EYS: variants seen among roughly 807,000 people sequenced by gnomAD.
EYS encodes the protein protein eyes shut homolog.
In EYS, 250 loss-of-function variants were observed where a neutral mutation model predicts 282.1. That is an observed-to-expected ratio of 0.89 (90% CI 0.80 to 0.98). The LOEUF is 0.98. EYS is among the 50% of genes least tolerant of loss of function. The pLI, the probability that EYS is intolerant of heterozygous loss-of-function variation, is 0.00. For missense variants in EYS, 4,016 were observed against 3,709.0 expected (o/e 1.08, Z -2.15); for synonymous variants, 1,355 against 1,282.9 (o/e 1.06, Z -1.20).
intron 34 of EYS, among the ~76,000 whole-genome samples, chr6:63,990,376 T>C (rs1767551467): frequency 1.3e-5 from 2 of 151,664 alleles, no homozygotes; most frequent in Admixed American, 1.3e-4. Flanking sequence ...GGAAAATTTA[T>C]GGCATTCATT....
intron 12 of EYS, among the ~76,000 whole-genome samples, chr6:65,179,876 T>G (rs1414769903): frequency 6.6e-6 from 1 of 152,034 alleles, no homozygotes; most frequent in Non-Finnish European, 1.5e-5. Flanking sequence ...GTGGGCTTCA[T>G]CCCTGGGATG....
At chr6:65,136,892 G>C (rs1393634600) in intron 12 of EYS, among the ~76,000 whole-genome samples, 1 of 152,002 alleles carries the variant, frequency 6.6e-6, no homozygotes, top group Non-Finnish European at 1.5e-5. Context: ...ATGTTGGCCA[G>C]CCTGGTGTCA....
chr6:63,776,327 G>A (rs1487683217), intron 40 of EYS, among the ~76,000 whole-genome samples: 1 of 152,122 alleles, frequency 6.6e-6, no homozygotes, highest in Non-Finnish European at 1.5e-5. Context: ...ATTATTTGCT[G>A]TTTTTAAGTT....
intron 12 of EYS, among the ~76,000 whole-genome samples, chr6:65,119,311 T>C (rs904278959): frequency 5.3e-5 from 8 of 152,152 alleles, no homozygotes; most frequent in South Asian, 2.1e-4. Flanking sequence ...AAACTAAACA[T>C]GTGTAAGTTA....
At chr6:65,527,789 T>C (rs1767623871) in intron 2 of EYS, among the ~76,000 whole-genome samples, 1 of 152,200 alleles carries the variant, frequency 6.6e-6, no homozygotes, top group South Asian at 2.1e-4. Context: ...ATAAACTGTG[T>C]AGATATGGGT....
At chr6:65,090,838 A>G (rs1774537144) in intron 12 of EYS, among the ~76,000 whole-genome samples, 2 of 152,052 alleles carry the variant, frequency 1.3e-5, no homozygotes, top group Admixed American at 1.3e-4. Flanking sequence ...ACATCCCTAC[A>G]CTGTCATTTT....
rs371666153 is a variant in EYS at position 65,324,150 on chromosome 6, C to G, written c.1766+10830G>C. 1.5e-4 allele frequency among the ~76,000 whole-genome samples: 23 copies of G among 151,522 alleles called. No homozygotes were observed. In the East Asian group the frequency reaches 3.8e-3, roughly 25 times the overall value. ...CCTGGCTACGCTATATAAAATAGCCCCTTTCCCAGCTTTCTTTATCAATTA... is the reference window on the plus strand; with the variant it reads ...CCTGGCTACGCTATATAAAATAGCCGCTTTCCCAGCTTTCTTTATCAATTA... On this transcript the variant is annotated intron_variant, in intron 11 of 42. Coordinates refer to ENST00000503581, the MANE Select transcript of EYS (RefSeq NM_001142800.2).
intron 5 of EYS, among the ~76,000 whole-genome samples, chr6:65,475,509 TG>T (rs1382477433): frequency 6.6e-6 from 1 of 152,134 alleles, no homozygotes; most frequent in Non-Finnish European, 1.5e-5. Flanking sequence ...GATATTTATT[TG>T]AAAATAATTT....
At chr6:63,946,606 A>G (rs1314561144) in intron 35 of EYS, among the ~76,000 whole-genome samples, 1 of 152,178 alleles carries the variant, frequency 6.6e-6, no homozygotes, top group South Asian at 2.1e-4. Flanking sequence ...CTGGTTTACA[A>G]AATTGGTTTA....
intron 26 of EYS, among the ~76,000 whole-genome samples, chr6:64,458,856 A>G (rs551273932): frequency 3.3e-5 from 5 of 152,290 alleles, no homozygotes; most frequent in African/African-American, 1.2e-4. Flanking sequence ...TGGAACTTAG[A>G]AATGGGCTTC....
intron 37 of EYS, among the ~76,000 whole-genome samples, chr6:63,792,726 C>T (rs907119698): frequency 9.3e-5 from 14 of 151,280 alleles, no homozygotes; most frequent in African/African-American, 3.4e-4. Flanking sequence ...CGTAATAAGG[C>T]CTGATTGGTA....
In EYS at chr6:65,260,314, T is replaced by A. The variant is rs145175670; in HGVS notation, c.2023+35549A>T. On this transcript the variant is annotated intron_variant, in intron 12 of 42. Coordinates refer to ENST00000503581, the MANE Select transcript of EYS (RefSeq NM_001142800.2). ...GAATTATAATTCAAGATGAGATTTG[T>A]GTGGGGAGACAAAGCTTAACCATAT... Among the ~76,000 whole-genome samples, 46 of 152,270 alleles carry A rather than the reference T, an allele frequency of 3.0e-4. 1 individual carries two copies. Among genetic ancestry groups the A allele is most frequent in the African/African-American group, 1.1e-3 (46 of 41,586 alleles).
rs1013301306 is a variant in EYS at position 64,393,654 on chromosome 6, G to A, written c.5928-4814C>T. ...TTTCAAAATAATAAGAGCTATCTATGACAAACCCACAGCCAATATCATACT... is the reference window on the plus strand; with the variant it reads ...TTTCAAAATAATAAGAGCTATCTATAACAAACCCACAGCCAATATCATACT... On this transcript the variant is annotated intron_variant, in intron 28 of 42. Transcript: ENST00000503581. 2.0e-5 allele frequency among the ~76,000 whole-genome samples: 3 copies of A among 151,640 alleles called. 1 individual carries two copies. The highest frequency in any genetic ancestry group is 7.3e-5 in the African/African-American group (3 of 41,216).
At chr6:65,116,036 TA>T (rs201528508) in intron 12 of EYS, among the ~76,000 whole-genome samples, 1,898 of 152,108 alleles carry the variant, frequency 0.012, 19 homozygotes, top group Admixed American at 0.022. Flanking sequence ...CATGAGTATT[TA>T]AATGCTGGCT....
At chr6:64,425,612 C>G (rs1270696310) in intron 28 of EYS, among the ~76,000 whole-genome samples, 3 of 147,214 alleles carry the variant, frequency 2.0e-5, no homozygotes, top group Non-Finnish European at 4.4e-5. Flanking sequence ...TGAGATCACG[C>G]CATTGCACTC....
chr6:65,479,442 T>A (rs925993634), intron 5 of EYS, among the ~76,000 whole-genome samples: 3 of 152,162 alleles, frequency 2.0e-5, no homozygotes, highest in Non-Finnish European at 4.4e-5. Flanking sequence ...AAATTTGATA[T>A]AAATATACAC....
intron 37 of EYS, among the ~76,000 whole-genome samples, chr6:63,792,152 C>T (rs143416251): frequency 6.1e-4 from 92 of 151,902 alleles, no homozygotes; most frequent in African/African-American, 2.2e-3. Flanking sequence ...ATAGGTGCTC[C>T]TGCCTACAGA....
chr6:65,276,165 G>C (rs538734759), intron 12 of EYS, among the ~76,000 whole-genome samples: 1 of 152,220 alleles, frequency 6.6e-6, no homozygotes, highest in African/African-American at 2.4e-5. Flanking sequence ...TGCCAGTGAG[G>C]TGATAATATC....
intron 2 of EYS, among the ~76,000 whole-genome samples, chr6:65,622,590 G>A (rs1304179099): frequency 6.6e-6 from 1 of 151,724 alleles, no homozygotes; most frequent in African/African-American, 2.4e-5. Flanking sequence ...TTTTTCCTTG[G>A]AATAATAAGA....
Sources: allele counts gnomAD v4.1 joint callset (sites outside exome capture counted in the v4.1 genomes callset), GRCh38; gene constraint gnomAD v4.1.1; transcripts MANE v1.5; gene names NCBI Gene and HGNC (gene_info 2026-07-23, HGNC 2026-07-21).